POLR2J: variants seen among roughly 807,000 people sequenced by gnomAD.
POLR2J encodes the protein DNA-directed RNA polymerase II subunit RPB11-a.
Under a neutral mutation model 13.4 loss-of-function variants are expected in POLR2J, and 12 were observed. The ratio of observed to expected loss-of-function variants is 0.90; its 90% CI spans 0.57 to 1.45. POLR2J has a LOEUF of 1.45. Ranked by LOEUF, POLR2J falls within the 40% of genes most tolerant of loss-of-function variation. The pLI is 0.00. For synonymous variants in POLR2J, 31 were observed against 53.6 expected (o/e 0.58, Z 1.84); for missense variants, 58 against 132.0 (o/e 0.44, Z 2.75).
At position 102,473,702 on chromosome 7, in the gene POLR2J, G is replaced by C. The variant is rs1232147570; in HGVS notation, c.319-18C>G. ...ATGGCCACCTGGGAGAGAAGAAGGT[G>C]GTGGAGACTGAGCTGGAACAGCTGG... On this transcript the variant is annotated intron_variant, in intron 3 of 3. Transcript: ENST00000292614. 1 of 1,613,790 alleles carries C rather than the reference G, an allele frequency of 6.2e-7. No individual in the cohort carries two copies. The highest frequency in any genetic ancestry group is 1.3e-5 in the African/African-American group (1 of 75,004).
intron 3 of POLR2J, 69 bp from the exon 4 acceptor site, chr7:102,473,753 C>A: frequency 6.2e-7 from 1 of 1,601,682 alleles, no homozygotes; most frequent in Non-Finnish European, 8.5e-7. Context: ...AACACATGCC[C>A]AGCATCCCCC....
chr7:102,473,759 C>T lies in POLR2J; in HGVS notation c.319-75G>A, dbSNP rs1016348940. ...GACGCTGGAAACACATGCCCAGCAT[C>T]CCCCCCGCCAGGCCCTTCCTGGAGG... On this transcript the variant is annotated intron_variant, in intron 3 of 3. Coordinates refer to ENST00000292614, the MANE Select transcript of POLR2J (RefSeq NM_006234.6). The T allele has an allele frequency of 4.3e-6, 6 of 1,381,224 alleles. No homozygotes were observed. The East Asian group carries it at 1.4e-4, about 31-fold the overall frequency. The allele number at this position is 1,381,224 out of a possible 1,614,324, so 85.6% of individuals were successfully genotyped here.
intron 2 of POLR2J, among the ~76,000 whole-genome samples, 159 bp from the exon 3 acceptor site, chr7:102,474,694 TGTGGGGACACCCTATCCC>T (rs1310804665): frequency 2.4e-5 from 3 of 122,758 alleles, no homozygotes; most frequent in African/African-American, 8.1e-5. Flanking sequence ...AGATACCTCA[TGTGGGGACACCCTATCCC>T]CGCCACACAC....
At chr7:102,477,905 C>T (rs1798469886) in intron 1 of POLR2J, among the ~76,000 whole-genome samples, 1 of 130,086 alleles carries the variant, frequency 7.7e-6, no homozygotes, top group Non-Finnish European at 1.7e-5. Flanking sequence ...GCCTGGAACT[C>T]CTGTGCTCAA....
At chr7:102,478,562 T>C (rs925379234) in intron 1 of POLR2J, among the ~76,000 whole-genome samples, 4 of 151,644 alleles carry the variant, frequency 2.6e-5, no homozygotes, top group Non-Finnish European at 5.9e-5. Flanking sequence ...TGGGTTCGAA[T>C]ACAAGCGCCG....
rs1798310081 is a variant in POLR2J at position 102,473,629 on chromosome 7, A to C, written c.*20T>G. ...AGGTAGGAACGGGGCTCACAGGCCG[A>C]GCAGAGCCCCCTCTGGCCCCTACTC... On this transcript the variant is annotated 3_prime_UTR_variant, in exon 4 of 4. Transcript: ENST00000292614. 6.3e-7 allele frequency: 1 copy of C among 1,595,000 alleles called. No individual in the cohort carries two copies. Among genetic ancestry groups the C allele is most frequent in the African/African-American group, 1.4e-5 (1 of 70,686 alleles).
chr7:102,473,811 C>G (rs928308049), intron 3 of POLR2J, 127 bp from the exon 4 acceptor site: 3 of 1,491,560 alleles, frequency 2.0e-6, no homozygotes, highest in Non-Finnish European at 8.9e-7. Context: ...CTCCCCAGGA[C>G]AGTGGAGCAG....
In POLR2J at chr7:102,473,589, C is replaced by CG; in HGVS notation, c.*59dup. 4 of 1,605,544 alleles carry CG rather than the reference C, an allele frequency of 2.5e-6. No individual in the cohort carries two copies. Among genetic ancestry groups the CG allele is most frequent in the Non-Finnish European group, 3.4e-6 (4 of 1,176,400 alleles). On this transcript the variant is annotated 3_prime_UTR_variant, in exon 4 of 4. Coordinates refer to ENST00000292614, the MANE Select transcript of POLR2J (RefSeq NM_006234.6). ...GCTCTCCTCGGTGTGGTACCTGGAGCGGAGGGTCAGGCACAGGTAGGAACG... is the reference window on the plus strand; with the variant it reads ...GCTCTCCTCGGTGTGGTACCTGGAGCGGGAGGGTCAGGCACAGGTAGGAACG...
rs1346807997 is a variant in POLR2J at position 102,473,678 on chromosome 7, T to C, written c.325A>G (p.Ile109Val). Residue 109 changes from isoleucine to valine, a missense_variant, in exon 4 of 4, where the codon ATA becomes GTA. By Grantham distance (29) the Ile-to-Val change is conservative (BLOSUM62 3). Around this residue, in one of 4 missense-constraint regions of POLR2J, gnomAD observed 18 missense variants for 16.0 expected, o/e 1.12. Transcript: ENST00000292614. ...TCAATTCCTTCCTGCTTGTCTTTTA[T>C]GGCCACCTGGGAGAGAAGAAGGTGG... ...SLLEERFRVA[I>V]KDKQEGIE 1 of 1,613,786 alleles carries C rather than the reference T, an allele frequency of 6.2e-7. No homozygotes were observed. Among genetic ancestry groups the C allele is most frequent in the Non-Finnish European group, 8.5e-7 (1 of 1,179,894 alleles).
In POLR2J at chr7:102,478,877, C is replaced by T. The variant is rs750347535; in HGVS notation, c.-17G>A. ...GGCGTTCATGCTCCCGCCGCCGTTG[C>T]GTCCAGACCCCAAGGGTCCGCCGCC... On this transcript the variant is annotated 5_prime_UTR_variant, in exon 1 of 4. Transcript: ENST00000292614. 5.8e-5 allele frequency: 93 copies of T among 1,610,540 alleles called. No homozygotes were observed. In the Admixed American group the frequency reaches 8.2e-4, roughly 14 times the overall value.
chr7:102,476,562 C>T (rs1448420327), intron 1 of POLR2J, among the ~76,000 whole-genome samples: 1 of 145,062 alleles, frequency 6.9e-6, no homozygotes, highest in Admixed American at 6.8e-5. Context: ...ATCACTTGAA[C>T]CTGGGAGGTG....
Position 102,474,043 on chromosome 7 carries a change from C to G in POLR2J, c.318+318G>C, listed in dbSNP as rs566081651. ...CTGCCTCCCAGAGACCTGGAAGGAC[C>G]AGGCCTTGCCAATCACCAACAAGGG... On this transcript the variant is annotated intron_variant, in intron 3 of 3. Coordinates refer to ENST00000292614, the MANE Select transcript of POLR2J (RefSeq NM_006234.6). 2.8e-6 allele frequency: 4 copies of G among 1,446,856 alleles called. No homozygotes were observed. In the South Asian group the frequency reaches 4.4e-5, roughly 16 times the overall value. 89.6% of individuals were successfully genotyped at this position (1,446,856 alleles called of 1,614,324 possible).
chr7:102,478,807 C>A lies in POLR2J; in HGVS notation c.53+1G>T. On this transcript the variant is annotated splice_donor_variant, in intron 1 of 3. Transcript: ENST00000292614. LOFTEE classifies it high-confidence loss of function. ...GGCCCGCCGCAGCCGGCGTCACTTACTTCTTCTCGCCCTCGAAGAGCAAGA... is the reference window on the plus strand; with the variant it reads ...GGCCCGCCGCAGCCGGCGTCACTTAATTCTTCTCGCCCTCGAAGAGCAAGA... 2.5e-6 allele frequency: 4 copies of A among 1,610,736 alleles called. No homozygotes were observed. The highest frequency in any genetic ancestry group is 3.4e-6 in the Non-Finnish European group (4 of 1,179,604).
rs1433032969 is a variant in POLR2J, at chr7:102,474,439, G to A, written c.240C>T (p.Asp80=). ...KIIIRVQTTP[D]YSPQEAFTNA... is the part of the protein sequence containing the mutation. Reference sequence around the variant, plus strand: ...TGGTAAAGGCTTCCTGGGGGCTGTAGTCCGGCGTGGTCTGCACTCGGATGA... The same window carrying A: ...TGGTAAAGGCTTCCTGGGGGCTGTAATCCGGCGTGGTCTGCACTCGGATGA... Residue 80 remains aspartate, a synonymous_variant, in exon 3 of 4, where the codon GAC becomes GAT. Transcript: ENST00000292614. 7 of 1,609,212 alleles carry A rather than the reference G, an allele frequency of 4.3e-6. No homozygotes were observed. The South Asian group carries it at 5.5e-5, about 13-fold the overall frequency.
chr7:102,473,553 T>TG lies in POLR2J; in HGVS notation c.*95dup. On this transcript the variant is annotated 3_prime_UTR_variant, in exon 4 of 4. Transcript: ENST00000292614. ...GGGTGGCCACAAGGCGGGCCATGGC[T>TG]GGGACCGGCCGCTCTCCTCGGTGTG... 8.0e-7 allele frequency: 1 copy of TG among 1,243,928 alleles called. No homozygotes were observed. The highest frequency in any genetic ancestry group is 1.0e-6 in the Non-Finnish European group (1 of 976,998). 77.1% of individuals were successfully genotyped at this position (1,243,928 alleles called of 1,614,324 possible). A position where few individuals can be genotyped will look rare whatever the true frequency, so the allele number is the denominator to read the frequency against.
At chr7:102,476,747 A>C (rs1586751734) in intron 1 of POLR2J, among the ~76,000 whole-genome samples, 1 of 115,014 alleles carries the variant, frequency 8.7e-6, no homozygotes. Flanking sequence ...ACTTCCTGCT[A>C]CCCCAGGTCT....
At position 102,473,297 on chromosome 7, in the gene POLR2J, G is replaced by A. The variant is rs889491095; in HGVS notation, c.*352C>T. ...TCATGGGTTTGCACACTTCTCTCCG[G>A]CTCAGCACAGCCCCCGCAGCAGCCC... is the stretch of plus-strand genomic sequence containing the variant. On this transcript the variant is annotated 3_prime_UTR_variant, in exon 4 of 4. Coordinates refer to ENST00000292614, the MANE Select transcript of POLR2J (RefSeq NM_006234.6). 6 of 579,130 alleles carry A rather than the reference G, an allele frequency of 1.0e-5. No individual in the cohort carries two copies. Among genetic ancestry groups the A allele is most frequent in the Middle Eastern group, 9.2e-4 (2 of 2,182 alleles). 35.9% of individuals were successfully genotyped at this position (579,130 alleles called of 1,614,324 possible).
At position 102,473,268 on chromosome 7, in the gene POLR2J, G is replaced by A. The variant is rs544359221; in HGVS notation, c.*381C>T. 154 of 626,612 alleles carry A rather than the reference G, an allele frequency of 2.5e-4. No individual in the cohort carries two copies. The highest frequency in any genetic ancestry group is 3.6e-4 in the Non-Finnish European group (132 of 371,534). The allele number at this position is 626,612 out of a possible 1,614,324, so 38.8% of individuals were successfully genotyped here. A position where few individuals can be genotyped will look rare whatever the true frequency, so the allele number is the denominator to read the frequency against. The stretch of plus-strand genomic sequence containing the variant: ...AGGCTTCTAGAGCAGAGACTCTTGG[G>A]AGCTCATGGGTTTGCACACTTCTCT... On this transcript the variant is annotated 3_prime_UTR_variant, in exon 4 of 4. Transcript: ENST00000292614.
intron 2 of POLR2J, among the ~76,000 whole-genome samples, chr7:102,474,765 CAG>C (rs1415140609): frequency 1.1e-5 from 1 of 90,580 alleles, no homozygotes; most frequent in African/African-American, 3.4e-5. Flanking sequence ...GAGCTGGAAA[CAG>C]ATTCCAGCAA....
Sources: allele counts gnomAD v4.1 joint callset (sites outside exome capture counted in the v4.1 genomes callset), GRCh38; gene constraint gnomAD v4.1.1; regional missense constraint gnomAD v4.1.1; transcripts MANE v1.5; gene names NCBI Gene and HGNC (gene_info 2026-07-23, HGNC 2026-07-21).